The following CDKL1 variants were observed in gnomAD, a reference collection of about 807,000 sequenced individuals.
CDKL1 encodes the protein cyclin dependent kinase like 1.
In CDKL1, 41 loss-of-function variants were observed where a neutral mutation model predicts 42.0. The ratio of observed to expected loss-of-function variants is 0.98; its 90% CI spans 0.76 to 1.27. The LOEUF is 1.27. Ranked by LOEUF, CDKL1 falls within the 50% of genes most tolerant of loss-of-function variation. The pLI, the probability that CDKL1 is intolerant of heterozygous loss-of-function variation, is 0.00. For synonymous variants in CDKL1, 153 were observed against 158.6 expected, an observed-to-expected ratio of 0.96 and a Z score of 0.26; for missense variants, 394 against 428.4, an observed-to-expected ratio of 0.92 and a Z score of 0.71.
At position 50,359,148 on chromosome 14, in the gene CDKL1, T is replaced by C; in HGVS notation, c.170A>G (p.Gln57Arg). Residue 57 changes from glutamine to arginine, a missense_variant and splice_region_variant, in exon 3 of 10, where the codon CAA becomes CGA. Transcript: ENST00000395834. ...GTTAACAAGGTTGGGATGCTTGAGT[T>C]GCTGAAAACACAAAAAAACAAGTTA... The part of the protein sequence containing the change: ...IALREIRMLK[Q>R]LKHPNLVNLL... The C allele has an allele frequency of 6.2e-7, 1 of 1,602,454 alleles. No individual in the cohort carries two copies. Among genetic ancestry groups the C allele is most frequent in the South Asian group, 1.1e-5 (1 of 89,586 alleles).
At position 50,328,100 on chromosome 14, in the gene CDKL1, C is replaced by G. The variant is rs186664292; in HGVS notation, c.*1974G>C. 10 of 152,238 alleles carry G rather than the reference C, an allele frequency of 6.6e-5. No homozygotes were observed. Among genetic ancestry groups the G allele is most frequent in the African/African-American group, 2.4e-4 (10 of 41,526 alleles). 9.4% of individuals were successfully genotyped at this position (152,238 alleles called of 1,614,324 possible). A position where few individuals can be genotyped will look rare whatever the true frequency, so the allele number is the denominator to read the frequency against. On this transcript the variant is annotated 3_prime_UTR_variant, in exon 10 of 10. Coordinates refer to ENST00000395834, the MANE Select transcript of CDKL1 (RefSeq NM_004196.7). ...TTACTGTATGGTGAGACAACTGATT[C>G]ACCACGATTTAGTCTAGAGCTACTT...
chr14:50,331,932 G>A lies in CDKL1; in HGVS notation c.966+330C>T, dbSNP rs576502879. 53 of 1,110,506 alleles carry A rather than the reference G, an allele frequency of 4.8e-5. No individual in the cohort carries two copies. In the South Asian group the frequency reaches 8.0e-4, roughly 17 times the overall value. The allele number at this position is 1,110,506 out of a possible 1,614,324, so 68.8% of individuals were successfully genotyped here. A position where few individuals can be genotyped will look rare whatever the true frequency, so the allele number is the denominator to read the frequency against. On this transcript the variant is annotated intron_variant, in intron 9 of 9. Coordinates refer to ENST00000395834, the MANE Select transcript of CDKL1 (RefSeq NM_004196.7). The stretch of plus-strand genomic sequence containing the variant: ...GTACATGATGACACAGAACTGCATG[G>A]GGAAAATCTGATTTCATTTTCCAAA...
Position 50,336,589 on chromosome 14 carries a change from C to T in CDKL1, c.739-1968G>A, listed in dbSNP as rs2033290022. 2.0e-5 allele frequency among the ~76,000 whole-genome samples: 3 copies of T among 152,138 alleles called. No homozygotes were observed. The South Asian group carries it at 6.2e-4, about 32-fold the overall frequency. On this transcript the variant is annotated intron_variant, in intron 7 of 9. Coordinates refer to ENST00000395834, the MANE Select transcript of CDKL1 (RefSeq NM_004196.7). ...CCAAGAGGTTAGGGAACAAACAAAA[C>T]ACAAGTGGTAGAGACAGAACTTCCA...
At chr14:50,390,286 G>A (rs763682680) in intron 2 of CDKL1, 21 of 1,366,232 alleles carry the variant, frequency 1.5e-5, no homozygotes, top group Admixed American at 1.1e-4. Context: ...CCTGCCATAG[G>A]TAGAACGTCT....
intron 3 of CDKL1, among the ~76,000 whole-genome samples, chr14:50,355,941 T>G (rs980946861): frequency 7.2e-5 from 11 of 152,168 alleles, no homozygotes; most frequent in Non-Finnish European, 1.2e-4. Flanking sequence ...AGATCTTGTA[T>G]CTCATGCTGG....
At chr14:50,374,779 C>T (rs976097096) in intron 2 of CDKL1, among the ~76,000 whole-genome samples, 1 of 152,168 alleles carries the variant, frequency 6.6e-6, no homozygotes, top group African/African-American at 2.4e-5. Context: ...CTAGAACCAA[C>T]CACATCCTAG....
At chr14:50,335,128 T>TA (rs950179607) in intron 7 of CDKL1, among the ~76,000 whole-genome samples, 11 of 148,184 alleles carry the variant, frequency 7.4e-5, no homozygotes, top group East Asian at 2.0e-4. Context: ...TCTGTCTCTC[T>TA]AAAAAAAATA....
intron 2 of CDKL1, chr14:50,377,553 T>C (rs775529008): frequency 7.5e-7 from 1 of 1,324,520 alleles, no homozygotes; most frequent in Non-Finnish European, 1.0e-6. Flanking sequence ...GAAGTGGCCT[T>C]AGCTAGCAGG....
chr14:50,381,700 T>C (rs558916007), intron 2 of CDKL1, among the ~76,000 whole-genome samples: 22 of 152,362 alleles, frequency 1.4e-4, no homozygotes, highest in Middle Eastern at 3.4e-3. Context: ...AATTATTTCA[T>C]TGGTTTTTAT....
chr14:50,365,721 A>G (rs1380183847), intron 2 of CDKL1, among the ~76,000 whole-genome samples: 1 of 152,214 alleles, frequency 6.6e-6, no homozygotes, highest in African/African-American at 2.4e-5. Context: ...GGGTGTTGCC[A>G]AAGGAGATTA....
chr14:50,348,035 G>A (rs996567085), intron 3 of CDKL1, among the ~76,000 whole-genome samples: 1 of 152,206 alleles, frequency 6.6e-6, no homozygotes, highest in Non-Finnish European at 1.5e-5. Context: ...CTAGAACTAC[G>A]CTGAAGACTT....
In CDKL1 at chr14:50,394,695, C is replaced by T. The variant is rs57327642; in HGVS notation, c.168+1006G>A. Among the ~76,000 whole-genome samples the T allele has an allele frequency of 7.5e-3, 1,141 of 152,344 alleles. 14 individuals are homozygous for T. The highest frequency in any genetic ancestry group is 0.025 in the African/African-American group (1,030 of 41,576). ...GACCTCCACCATATTCATTACATGT[C>T]ACCTTTCACATTGCGATTTGGATTT... On this transcript the variant is annotated intron_variant, in intron 2 of 9. Coordinates refer to ENST00000395834, the MANE Select transcript of CDKL1 (RefSeq NM_004196.7).
Position 50,328,632 on chromosome 14 carries a change from TGTGTCCA to T in CDKL1, c.*1435_*1441del, listed in dbSNP as rs1430887362. ...CAGACGTCAGGCTTCATATTGCCCT[TGTGTCCA>T]GGGGACAAGGATGAAAAAGCTTTTT... On this transcript the variant is annotated 3_prime_UTR_variant, in exon 10 of 10. Coordinates refer to ENST00000395834, the MANE Select transcript of CDKL1 (RefSeq NM_004196.7). The T allele has an allele frequency of 2.0e-5, 3 of 152,142 alleles. No homozygotes were observed. The highest frequency in any genetic ancestry group is 7.2e-5 in the African/African-American group (3 of 41,440). 9.4% of individuals were successfully genotyped at this position (152,142 alleles called of 1,614,324 possible).
chr14:50,382,245 G>A (rs2034930322), intron 2 of CDKL1, among the ~76,000 whole-genome samples: 1 of 152,118 alleles, frequency 6.6e-6, no homozygotes, highest in African/African-American at 2.4e-5. Flanking sequence ...GAGGTCACGA[G>A]ATCGAGACCA....
At chr14:50,377,688 T>C (rs924523154) in intron 2 of CDKL1, 4 of 1,322,394 alleles carry the variant, frequency 3.0e-6, no homozygotes, top group Non-Finnish European at 4.0e-6. Flanking sequence ...CTAAGCCTTT[T>C]GTCAGGGCTG....
At chr14:50,388,004 C>A (rs909194262) in intron 2 of CDKL1, among the ~76,000 whole-genome samples, 4 of 152,150 alleles carry the variant, frequency 2.6e-5, no homozygotes, top group African/African-American at 9.7e-5. Flanking sequence ...TCAAGCGATT[C>A]TCCTGCCTCA....
chr14:50,377,505 C>T (rs372036617), intron 2 of CDKL1: 1 of 1,059,784 alleles, frequency 9.4e-7, no homozygotes, highest in Non-Finnish European at 1.2e-6. Flanking sequence ...TCAGACTTTA[C>T]TTTCTGGGAG....
At chr14:50,370,189 C>T (rs1470023533) in intron 2 of CDKL1, among the ~76,000 whole-genome samples, 2 of 152,070 alleles carry the variant, frequency 1.3e-5, no homozygotes, top group Non-Finnish European at 2.9e-5. Flanking sequence ...CTGCCTCAGC[C>T]TCCCAAGTAG....
At chr14:50,357,207 G>A (rs1294817801) in intron 3 of CDKL1, 1 of 152,140 alleles carries the variant, frequency 6.6e-6, no homozygotes, top group East Asian at 1.9e-4. Context: ...CTGTCCTCTT[G>A]GCTCTCTCTG....
Sources: gnomAD v4.1 joint callset for allele counts (sites outside exome capture counted in the v4.1 genomes callset) on GRCh38, gnomAD v4.1.1 for gene constraint, MANE v1.5 for transcripts, NCBI Gene and HGNC (gene_info 2026-07-23, HGNC 2026-07-21) for gene names.